Variants in RBFOX1 observed in about 807,000 individuals in gnomAD.
RBFOX1 encodes RNA binding protein fox-1 homolog 1.
In RBFOX1, 8 loss-of-function variants were observed where a neutral mutation model predicts 57.7. The ratio of observed to expected loss-of-function variants is 0.14; its 90% CI spans 0.08 to 0.25. The LOEUF is 0.25. RBFOX1 is among the 10% of genes least tolerant of loss of function. The probability of loss-of-function intolerance (pLI) is 1.00; values close to 1 mark genes in which losing one functional copy is unlikely to be tolerated. For missense variants in RBFOX1, 611 were observed against 548.5 expected (o/e 1.11, Z -1.14); for synonymous variants, 326 against 222.4 (o/e 1.47, Z -4.15).
chr16:5,562,407 G>A (rs1440106513), intron 2 of RBFOX1, among the ~76,000 whole-genome samples: 1 of 152,140 alleles, frequency 6.6e-6, no homozygotes, highest in Non-Finnish European at 1.5e-5. Flanking sequence ...TTGGTTATGT[G>A]TTAGATCAGG....
chr16:6,986,236 T>G (rs2090246094), intron 3 of RBFOX1, among the ~76,000 whole-genome samples: 1 of 147,822 alleles, frequency 6.8e-6, no homozygotes, highest in Non-Finnish European at 1.5e-5. Context: ...AGTCTTGGTC[T>G]GTCACCCAGG....
intron 4 of RBFOX1, among the ~76,000 whole-genome samples, chr16:7,305,247 C>T (rs566152960): frequency 4.2e-4 from 64 of 151,924 alleles, no homozygotes; most frequent in Non-Finnish European, 7.6e-4. Context: ...ACCTTACTCT[C>T]TGTCTTTCTC....
chr16:7,548,129 CGAG>C (rs564479819), intron 5 of RBFOX1, among the ~76,000 whole-genome samples: 2 of 152,192 alleles, frequency 1.3e-5, no homozygotes, highest in African/African-American at 4.8e-5. Context: ...TGAAACAAAC[CGAG>C]GAGTTATTCA....
At chr16:7,144,417 C>CTTCTTCTTTTTTTTT (rs3046798) in intron 4 of RBFOX1, among the ~76,000 whole-genome samples, 4 of 66,914 alleles carry the variant, frequency 6.0e-5, no homozygotes, top group African/African-American at 2.4e-4. Context: ...TTTCTTTCTT[C>CTTCTTCTTTTTTTTT]TTTTTTTTTT....
chr16:5,416,460 G>A (rs2067161997), intron 1 of RBFOX1, among the ~76,000 whole-genome samples: 1 of 152,056 alleles, frequency 6.6e-6, no homozygotes, highest in African/African-American at 2.4e-5. Context: ...CGTGTCGGTT[G>A]GGCAGAAGTG....
intron 2 of RBFOX1, among the ~76,000 whole-genome samples, chr16:6,362,764 T>C (rs527953127): frequency 6.6e-6 from 1 of 152,354 alleles, no homozygotes; most frequent in African/African-American, 2.4e-5. Flanking sequence ...GGATGGCTTA[T>C]TTTTTATTGA....
chr16:7,117,302 A>T (rs1208198246), intron 4 of RBFOX1, among the ~76,000 whole-genome samples: 2 of 152,150 alleles, frequency 1.3e-5, no homozygotes, highest in Non-Finnish European at 2.9e-5. Flanking sequence ...TTAATTAGAA[A>T]ATTTTCAGAA....
At chr16:5,319,134 C>G (rs1043734907) in intron 1 of RBFOX1, among the ~76,000 whole-genome samples, 11 of 149,126 alleles carry the variant, frequency 7.4e-5, no homozygotes, top group Admixed American at 6.6e-4. Flanking sequence ...CTCAAACAAA[C>G]AAACAAACAA....
intron 3 of RBFOX1, among the ~76,000 whole-genome samples, chr16:5,639,311 G>A (rs1191076602): frequency 6.6e-6 from 1 of 152,212 alleles, no homozygotes; most frequent in Non-Finnish European, 1.5e-5. Context: ...AAATGTCTCT[G>A]CTGTTGTCTC....
intron 3 of RBFOX1, among the ~76,000 whole-genome samples, chr16:5,742,006 G>A (rs989058966): frequency 1.3e-5 from 2 of 152,146 alleles, no homozygotes; most frequent in Non-Finnish European, 2.9e-5. Flanking sequence ...GGCACCCTGA[G>A]ACCTGGGAGA....
At chr16:7,062,635 G>T (rs1393340804) in intron 4 of RBFOX1, among the ~76,000 whole-genome samples, 1 of 152,168 alleles carries the variant, frequency 6.6e-6, no homozygotes, top group East Asian at 1.9e-4. Flanking sequence ...ATGTGGATAT[G>T]GCCAAGGCAG....
chr16:7,644,901 G>A (rs1267905997), intron 11 of RBFOX1, among the ~76,000 whole-genome samples: 1 of 152,144 alleles, frequency 6.6e-6, no homozygotes, highest in Non-Finnish European at 1.5e-5. Flanking sequence ...CTGAATTTGG[G>A]AGTCAAGTTC....
At chr16:7,203,126 A>T (rs2089050956) in intron 4 of RBFOX1, among the ~76,000 whole-genome samples, 1 of 152,214 alleles carries the variant, frequency 6.6e-6, no homozygotes, top group Non-Finnish European at 1.5e-5. Context: ...CAGCTAAAAT[A>T]TGGGACTAAT....
At chr16:6,384,176 C>G (rs1184903803) in intron 2 of RBFOX1, among the ~76,000 whole-genome samples, 1 of 150,656 alleles carries the variant, frequency 6.6e-6, no homozygotes, top group African/African-American at 2.4e-5. Flanking sequence ...TCAAGGTTAA[C>G]CATGCTTTAT....
intron 2 of RBFOX1, among the ~76,000 whole-genome samples, chr16:5,489,720 A>G (rs141128207): frequency 6.6e-6 from 1 of 152,292 alleles, no homozygotes; most frequent in African/African-American, 2.4e-5. Flanking sequence ...CGGCCTTGCC[A>G]ACAGTCCTAA....
chr16:6,224,846 C>T (rs922620159), intron 1 of RBFOX1, among the ~76,000 whole-genome samples: 1 of 151,842 alleles, frequency 6.6e-6, no homozygotes, highest in African/African-American at 2.4e-5. Context: ...CATGGGAAAC[C>T]CCATCTCTAT....
intron 2 of RBFOX1, among the ~76,000 whole-genome samples, chr16:6,652,836 T>C (rs551556035): frequency 6.6e-6 from 1 of 152,254 alleles, no homozygotes; most frequent in Non-Finnish European, 1.5e-5. Flanking sequence ...AGGGTGGTGA[T>C]GGTTGCACAA....
chr16:7,292,732 C>T (rs1415481092), intron 4 of RBFOX1, among the ~76,000 whole-genome samples: 1 of 151,952 alleles, frequency 6.6e-6, no homozygotes. Context: ...CTTTTTCTTA[C>T]ATGTCACTCT....
Position 6,490,163 on chromosome 16 carries a change from T to C in RBFOX1, c.-63-164440T>C, listed in dbSNP as rs115558153. Among the ~76,000 whole-genome samples the C allele has an allele frequency of 2.0e-3, 307 of 152,246 alleles. 2 individuals are homozygous for C. Among genetic ancestry groups the C allele is most frequent in the African/African-American group, 6.9e-3 (288 of 41,552 alleles). ...CAGTCTCAGTTGGGTTTTTAGTGAA[T>C]AGCAAATGCTATGAAAAGAAAAACA... On this transcript the variant is annotated intron_variant, in intron 2 of 15. Coordinates refer to ENST00000550418, the MANE Select transcript of RBFOX1 (RefSeq NM_018723.4).
Sources: gnomAD v4.1 joint callset for allele counts (sites outside exome capture counted in the v4.1 genomes callset) on GRCh38, gnomAD v4.1.1 for gene constraint, MANE v1.5 for transcripts, NCBI Gene and HGNC (gene_info 2026-07-23, HGNC 2026-07-21) for gene names.